Variants in SLC2A6 observed in about 807,000 individuals in gnomAD.
SLC2A6 encodes the protein solute carrier family 2, facilitated glucose transporter member 6.
Under a neutral mutation model 47.8 loss-of-function variants are expected in SLC2A6, and 39 were observed. The ratio of observed to expected loss-of-function variants is 0.82; its 90% CI spans 0.63 to 1.07. The LOEUF (loss-of-function observed/expected upper bound fraction) is 1.07, where lower values mean the gene tolerates loss of function less well. SLC2A6 is among the 50% of genes least tolerant of loss of function. The pLI is 0.00. For missense variants in SLC2A6, 650 were observed against 707.6 expected, an observed-to-expected ratio of 0.92 and a Z score of 0.92; for synonymous variants, 346 against 324.1, an observed-to-expected ratio of 1.07 and a Z score of -0.73.
chr9:133,479,076 G>A lies in SLC2A6; in HGVS notation c.-17C>T. On this transcript the variant is annotated 5_prime_UTR_variant, in exon 1 of 10. Transcript: ENST00000371899. ...CTCCTGCATGGCCGGGTCTCTCTCGGGGCGAGCGGAGGGCGCTCAGACTGG... is the reference window on the plus strand; with the variant it reads ...CTCCTGCATGGCCGGGTCTCTCTCGAGGCGAGCGGAGGGCGCTCAGACTGG... The A allele has an allele frequency of 6.3e-7, 1 of 1,577,388 alleles. No homozygotes were observed.
Position 133,474,957 on chromosome 9 carries a change from T to C in SLC2A6, c.927+4A>G. 1 of 1,535,390 alleles carries C rather than the reference T, an allele frequency of 6.5e-7. No homozygotes were observed. The highest frequency in any genetic ancestry group is 8.8e-7 in the Non-Finnish European group (1 of 1,139,752). On this transcript the variant is annotated splice_donor_region_variant and intron_variant, in intron 6 of 9. Transcript: ENST00000371899. ...GTGGGCGCCGGCCGGGGCTGGGCTC[T>C]CACCAGCAGGACAGCGGTGCTGTCG...
In SLC2A6 at chr9:133,478,349, A is replaced by G; in HGVS notation, c.160T>C (p.Tyr54His). 1 of 1,614,120 alleles carries G rather than the reference A, an allele frequency of 6.2e-7. No individual in the cohort carries two copies. The highest frequency in any genetic ancestry group is 8.5e-7 in the Non-Finnish European group (1 of 1,180,018). The stretch of plus-strand genomic sequence containing the variant: ...ACAGGGGATGTGTAGACCAGGGCAT[A>G]CCCAAAGCTGAAATTGCCGAGCACT... ...AAVLGNFSFG[Y>H]ALVYTSPVIP... The change falls in exon 2 of 10, where the codon TAT becomes CAT. Residue 54 changes from tyrosine to histidine, a missense_variant. Tyr to His is a moderately conservative substitution (Grantham distance 83). Coordinates refer to ENST00000371899, the MANE Select transcript of SLC2A6 (RefSeq NM_017585.4).
At chr9:133,476,941 C>T (rs1843977276) in intron 3 of SLC2A6, 94 bp downstream of exon 3, 1 of 1,352,768 alleles carries the variant, frequency 7.4e-7, no homozygotes, top group Non-Finnish European at 1.0e-6. Flanking sequence ...TCTCATTGCC[C>T]AGAAGGCATG....
Position 133,477,245 on chromosome 9 carries a change from C to T in SLC2A6, c.256-4G>A. 1 of 1,550,458 alleles carries T rather than the reference C, an allele frequency of 6.4e-7. No individual in the cohort carries two copies. On this transcript the variant is annotated splice_polypyrimidine_tract_variant and splice_region_variant and intron_variant, in intron 2 of 9. Transcript: ENST00000371899. Reference sequence around the variant, plus strand: ...CTGCTCCCAGGGTGAACACGGACTGCAGGGGAAGGGGGTGCAGGGCAGATA... The same window carrying T: ...CTGCTCCCAGGGTGAACACGGACTGTAGGGGAAGGGGGTGCAGGGCAGATA...
In SLC2A6 at chr9:133,474,976, G is replaced by A. The variant is rs922625871; in HGVS notation, c.912C>T (p.Ser304=). 2.5e-6 allele frequency: 4 copies of A among 1,574,948 alleles called. No homozygotes were observed. The highest frequency in any genetic ancestry group is 1.4e-5 in the African/African-American group (1 of 74,058). The part of the protein sequence containing the change: ...ILVYLQSIFD[S]TAVLLPPKDD... ...GGGCTCTCACCAGCAGGACAGCGGT[G>A]CTGTCGAAGATGGACTGCAGGTAGA... Residue 304 remains serine (S), a synonymous_variant, in exon 6 of 10, where the codon AGC becomes AGT. Transcript: ENST00000371899.
chr9:133,473,146 G>A lies in SLC2A6; in HGVS notation c.1327C>T (p.Leu443Phe). ...ASGLCVLASW[L>F]TAFVLTKSFL... ...GACTTGGTGAGGACGAAGGCGGTGA[G>A]CCAGCTGGCCAGCACGCAGAGCCCT... Residue 443 changes from leucine to phenylalanine, a missense_variant, in exon 9 of 10, where the codon CTC becomes TTC. Physicochemically the swap from Leu to Phe is conservative, Grantham distance 22. Coordinates refer to ENST00000371899, the MANE Select transcript of SLC2A6 (RefSeq NM_017585.4). 1 of 1,611,448 alleles carries A rather than the reference G, an allele frequency of 6.2e-7. No homozygotes were observed. Among genetic ancestry groups the A allele is most frequent in the Non-Finnish European group, 8.5e-7 (1 of 1,179,538 alleles).
At chr9:133,474,257 T>C (rs1337253295) in intron 6 of SLC2A6, among the ~76,000 whole-genome samples, 169 bp from the exon 7 acceptor site, 1 of 152,236 alleles carries the variant, frequency 6.6e-6, no homozygotes, top group Non-Finnish European at 1.5e-5. Context: ...TCCGAGCCTA[T>C]GGGGCTCCTG....
rs781825126 is a variant in SLC2A6, at chr9:133,475,075, G to C, written c.813C>G (p.His271Gln). 1.9e-6 allele frequency: 3 copies of C among 1,597,858 alleles called. No homozygotes were observed. The highest frequency in any genetic ancestry group is 1.7e-5 in the Admixed American group (1 of 58,172). The change falls in exon 6 of 10, where the codon CAC (histidine) becomes CAG (glutamine). Residue 271 changes from histidine (H) to glutamine (Q), a missense_variant. His to Gln is a conservative substitution (Grantham distance 24, BLOSUM62 0). Coordinates refer to ENST00000371899, the MANE Select transcript of SLC2A6 (RefSeq NM_017585.4). ...AGGCCACGGTGATGGGCCGGCACACGTGTGGGGCCCGTGCCTCAGCCCACG... is the reference window on the plus strand; with the variant it reads ...AGGCCACGGTGATGGGCCGGCACACCTGTGGGGCCCGTGCCTCAGCCCACG... The part of the protein sequence containing the change: ...RVSWAEARAP[H>Q]VCRPITVALL...
At position 133,475,626 on chromosome 9, in the gene SLC2A6, T is replaced by C. The variant is rs1311147340; in HGVS notation, c.563-15A>G. 3 of 1,567,090 alleles carry C rather than the reference T, an allele frequency of 1.9e-6. No homozygotes were observed. Among genetic ancestry groups the C allele is most frequent in the East Asian group, 4.6e-5 (2 of 43,248 alleles). ...CAGCAGGAGGCCTGGGGGCGAGGGG[T>C]GGGTGAGGGGCCAGGTCCAGGCCTG... On this transcript the variant is annotated splice_polypyrimidine_tract_variant and intron_variant, in intron 4 of 9. Coordinates refer to ENST00000371899, the MANE Select transcript of SLC2A6 (RefSeq NM_017585.4).
At chr9:133,472,938 A>C (rs1426561678) in intron 9 of SLC2A6, among the ~76,000 whole-genome samples, 167 bp downstream of exon 9, 1 of 152,128 alleles carries the variant, frequency 6.6e-6, no homozygotes, top group Non-Finnish European at 1.5e-5. Flanking sequence ...CTAGGCTATC[A>C]CGTGACCACT....
At chr9:133,478,548 G>C (rs1022236011) in intron 1 of SLC2A6, 132 bp from the exon 2 acceptor site, 19 of 980,284 alleles carry the variant, frequency 1.9e-5, no homozygotes, top group Admixed American at 2.5e-5. Context: ...GGCCATTCAC[G>C]TTCCCAGGGC....
In SLC2A6 at chr9:133,479,085, G is replaced by A. The variant is rs587633807; in HGVS notation, c.-26C>T. 132 of 1,564,324 alleles carry A rather than the reference G, an allele frequency of 8.4e-5. 1 individual carries two copies. In the East Asian group the frequency reaches 2.2e-3, roughly 26 times the overall value. ...GGCCGGGTCTCTCTCGGGGCGAGCG[G>A]AGGGCGCTCAGACTGGAGCAGCCGC... On this transcript the variant is annotated 5_prime_UTR_variant, in exon 1 of 10. Coordinates refer to ENST00000371899, the MANE Select transcript of SLC2A6 (RefSeq NM_017585.4).
At position 133,478,234 on chromosome 9, in the gene SLC2A6, C is replaced by CT. The variant is rs1157731344; in HGVS notation, c.255+19dup. On this transcript the variant is annotated intron_variant, in intron 2 of 9. Coordinates refer to ENST00000371899, the MANE Select transcript of SLC2A6 (RefSeq NM_017585.4). ...GTCCCTCCTTCCTGCACCCACCCTC[C>CT]TCCAGAGGATGGTCCTTACCCCAAA... 16 of 1,613,226 alleles carry CT rather than the reference C, an allele frequency of 9.9e-6. No individual in the cohort carries two copies. Among genetic ancestry groups the CT allele is most frequent in the Non-Finnish European group, 1.3e-5 (15 of 1,179,662 alleles).
At chr9:133,476,101 G>A (rs1843937519) in intron 4 of SLC2A6, 136 bp downstream of exon 4, 1 of 696,292 alleles carries the variant, frequency 1.4e-6, no homozygotes, top group Non-Finnish European at 2.4e-6. Context: ...GACTGAGTGG[G>A]GCCGGGATGC....
Position 133,479,028 on chromosome 9 carries a change from G to A in SLC2A6, c.32C>T (p.Pro11Leu). MQEPLLGAEG[P>L]DYDTFPEKPP... ...CTTCTCGGGGAAGGTGTCGTAGTCC[G>A]GGCCCTCGGCTCCCAGCAGCGGCTC... The change falls in exon 1 of 10, where the codon CCG becomes CTG. Residue 11 changes from proline to leucine, a missense_variant. Transcript: ENST00000371899. 6.3e-7 allele frequency: 1 copy of A among 1,598,318 alleles called. No individual in the cohort carries two copies. The highest frequency in any genetic ancestry group is 1.1e-5 in the South Asian group (1 of 89,852).
chr9:133,475,619 C>T lies in SLC2A6; in HGVS notation c.563-8G>A, dbSNP rs370633552. ...GCCACGGCAGCAGGAGGCCTGGGGG[C>T]GAGGGGTGGGTGAGGGGCCAGGTCC... On this transcript the variant is annotated splice_region_variant and splice_polypyrimidine_tract_variant and intron_variant, in intron 4 of 9. Transcript: ENST00000371899. 7.5e-5 allele frequency: 118 copies of T among 1,574,604 alleles called. No homozygotes were observed. Among genetic ancestry groups the T allele is most frequent in the Admixed American group, 3.7e-4 (20 of 53,662 alleles).
rs958281301 is a variant in SLC2A6 at position 133,477,128 on chromosome 9, A to G, written c.369T>C (p.Tyr123=). 8 of 1,549,468 alleles carry G rather than the reference A, an allele frequency of 5.2e-6. 1 individual carries two copies. Among genetic ancestry groups the G allele is most frequent in the Admixed American group, 2.0e-5 (1 of 50,948 alleles). ...MFSAVPSAAG[Y]ALMAGAHGLW... is the part of the protein sequence containing the mutation. The stretch of plus-strand genomic sequence containing the variant: ...GGCCGTGCGCACCCGCCATGAGCGC[A>G]TAGCCGGCCGCCGACGGCACAGCTG... The change falls in exon 3 of 10, where the codon TAT becomes TAC. Residue 123 remains tyrosine (Y), a synonymous_variant. Transcript: ENST00000371899.
intron 9 of SLC2A6, among the ~76,000 whole-genome samples, chr9:133,472,650 C>T (rs1843771031): frequency 6.6e-6 from 1 of 152,226 alleles, no homozygotes; most frequent in Non-Finnish European, 1.5e-5. Flanking sequence ...CAGCTTCTCC[C>T]TCATGGGAAC....
Position 133,475,464 on chromosome 9 carries a change from A to G in SLC2A6, c.710T>C (p.Leu237Pro). Residue 237 changes from leucine to proline, a missense_variant, in exon 5 of 10, where the codon CTG (leucine) becomes CCG (proline). Coordinates refer to ENST00000371899, the MANE Select transcript of SLC2A6 (RefSeq NM_017585.4). The stretch of plus-strand genomic sequence containing the variant: ...GTGGACATCGACGTCCGTCCCACGC[A>G]GCCAGGCCAGCGCCCGCAGGGCCTC... ...DEEALRALAW[L>P]RGTDVDVHWE... is the part of the protein sequence containing the mutation. 1 of 1,611,922 alleles carries G rather than the reference A, an allele frequency of 6.2e-7. No individual in the cohort carries two copies. The highest frequency in any genetic ancestry group is 8.5e-7 in the Non-Finnish European group (1 of 1,179,834).
Sources: gnomAD v4.1 joint callset for allele counts (sites outside exome capture counted in the v4.1 genomes callset) on GRCh38, gnomAD v4.1.1 for gene constraint, MANE v1.5 for transcripts, NCBI Gene and HGNC (gene_info 2026-07-23, HGNC 2026-07-21) for gene names.